The following RAB35 variants were observed in gnomAD, a reference collection of about 807,000 sequenced individuals.
RAB35 encodes ras-related protein Rab-35.
A neutral mutation model predicts 28.9 loss-of-function variants in RAB35; 4 were observed. The ratio of observed to expected loss-of-function variants is 0.14; its 90% CI spans 0.07 to 0.32. RAB35 has a LOEUF of 0.32. Among genes scored for constraint, RAB35 ranks in the 10% least tolerant of loss-of-function variants. The pLI is 1.00. For missense variants in RAB35, 128 were observed against 274.0 expected (o/e 0.47, Z 3.76); for synonymous variants, 99 against 105.1 (o/e 0.94, Z 0.35).
intron 1 of RAB35, among the ~76,000 whole-genome samples, chr12:120,115,630 C>T (rs913854226): frequency 2.6e-5 from 4 of 152,194 alleles, no homozygotes; most frequent in African/African-American, 4.8e-5. Context: ...TTTCGAAGGA[C>T]ACTTAATATT....
At chr12:120,101,549 T>C (rs1875658515) in intron 3 of RAB35, among the ~76,000 whole-genome samples, 1 of 152,256 alleles carries the variant, frequency 6.6e-6, no homozygotes, top group South Asian at 2.1e-4. Context: ...AAAGTCACGC[T>C]ACTGCATCCT....
intron 3 of RAB35, among the ~76,000 whole-genome samples, chr12:120,101,537 A>G (rs1211276222): frequency 6.6e-6 from 1 of 152,228 alleles, no homozygotes; most frequent in Non-Finnish European, 1.5e-5. Flanking sequence ...CTGCATCGGA[A>G]AAAAGTCACG....
chr12:120,108,029 C>T (rs1029909823), intron 2 of RAB35, among the ~76,000 whole-genome samples: 3 of 152,146 alleles, frequency 2.0e-5, no homozygotes, highest in African/African-American at 7.2e-5. Context: ...AGATGAACCA[C>T]AAAGGCCTGC....
rs950850744 is a variant in RAB35 at position 120,103,886 on chromosome 12, T to C, written c.167A>G (p.Lys56Arg). Residue 56 changes from lysine (K) to arginine (R), a missense_variant, in exon 3 of 6, where the codon AAG (lysine) becomes AGG (arginine). Transcript: ENST00000229340. This position sits in a 1 kb window ranked among gnomAD's most constrained non-coding sequence, Gnocchi z 6.1. ...KIRTVEINGE[K>R]VKLQIWDTAG... ...TGTGTCCCAGATCTGCAGCTTCACC[T>C]TCTCCCCGTTGATCTCCACGGTCCG... 2 of 1,614,080 alleles carry C rather than the reference T, an allele frequency of 1.2e-6. No homozygotes were observed. Among genetic ancestry groups the C allele is most frequent in the Non-Finnish European group, 8.5e-7 (1 of 1,180,006 alleles).
Position 120,112,401 on chromosome 12 carries a change from G to A in RAB35, c.53-3934C>T, listed in dbSNP as rs533835052. Among the ~76,000 whole-genome samples, 7 of 151,840 alleles carry A rather than the reference G, an allele frequency of 4.6e-5. No individual in the cohort carries two copies. In the South Asian group the frequency reaches 1.5e-3, roughly 32 times the overall value. On this transcript the variant is annotated intron_variant, in intron 1 of 5. Coordinates refer to ENST00000229340, the MANE Select transcript of RAB35 (RefSeq NM_006861.7). Reference sequence around the variant, plus strand: ...CTCTGCTTCAGTTCAACCTCTTGAAGAGCCCTGACCTTTCAGTGAACTGTT... The same window carrying A: ...CTCTGCTTCAGTTCAACCTCTTGAAAAGCCCTGACCTTTCAGTGAACTGTT...
In RAB35 at chr12:120,116,585, G is replaced by T; in HGVS notation, c.52+14C>A. ...GGCAGGGCCCGCGCCGCCTCCGGCC[G>T]CTGCGGCCCTCACCGCTGTCGCCGA... is the stretch of plus-strand genomic sequence containing the variant. On this transcript the variant is annotated intron_variant, in intron 1 of 5. Transcript: ENST00000229340. The T allele has an allele frequency of 8.5e-7, 1 of 1,179,514 alleles. No individual in the cohort carries two copies. Among genetic ancestry groups the T allele is most frequent in the Non-Finnish European group, 1.0e-6 (1 of 954,426 alleles). The allele number at this position is 1,179,514 out of a possible 1,614,324, so 73.1% of individuals were successfully genotyped here.
chr12:120,105,361 A>G (rs893635013), intron 2 of RAB35, among the ~76,000 whole-genome samples: 2 of 152,180 alleles, frequency 1.3e-5, no homozygotes, highest in African/African-American at 2.4e-5. Flanking sequence ...GGCTCCCCAG[A>G]AACAGCTGGT....
At position 120,096,767 on chromosome 12, in the gene RAB35, C is replaced by G. The variant is rs1002660892; in HGVS notation, c.*478G>C. On this transcript the variant is annotated 3_prime_UTR_variant, in exon 6 of 6. Transcript: ENST00000229340. ...AACCTGTCGGAGAGAATGAGCAACG[C>G]GGAGCCCACTCCACTGGCACGGGCT... 1.3e-5 allele frequency: 17 copies of G among 1,290,318 alleles called. No homozygotes were observed. The highest frequency in any genetic ancestry group is 1.6e-5 in the Non-Finnish European group (16 of 989,214). 79.9% of individuals were successfully genotyped at this position (1,290,318 alleles called of 1,614,324 possible).
At chr12:120,108,626 C>A (rs925916642) in intron 1 of RAB35, 159 bp from the exon 2 acceptor site, 31 of 724,646 alleles carry the variant, frequency 4.3e-5, no homozygotes, top group Non-Finnish European at 2.0e-5. Flanking sequence ...TGAGCGGCCA[C>A]ACACCAAGAA....
chr12:120,098,994 C>A, intron 4 of RAB35, 36 bp downstream of exon 4: 2 of 1,614,088 alleles, frequency 1.2e-6, no homozygotes, highest in Non-Finnish European at 1.7e-6. Context: ...GCCTCTCTCC[C>A]ACCCAACCCC....
At chr12:120,101,010 G>A (rs1033304801) in intron 3 of RAB35, among the ~76,000 whole-genome samples, 10 of 152,232 alleles carry the variant, frequency 6.6e-5, no homozygotes, top group Admixed American at 2.6e-4. Flanking sequence ...TGGCCCCGGC[G>A]CACAGCCCCC....
chr12:120,116,492 C>T, intron 1 of RAB35, 107 bp downstream of exon 1: 2 of 732,268 alleles, frequency 2.7e-6, no homozygotes, highest in Non-Finnish European at 3.3e-6. Context: ...CTGCCCCGCC[C>T]GCCCGCCCCG....
At chr12:120,108,318 C>G in intron 2 of RAB35, 99 bp downstream of exon 2, 2 of 1,259,762 alleles carry the variant, frequency 1.6e-6, no homozygotes, top group Non-Finnish European at 2.3e-6. Context: ...TGAGACAGTT[C>G]CCAACATCAG....
intron 3 of RAB35, among the ~76,000 whole-genome samples, chr12:120,099,899 G>A (rs1359045559): frequency 1.3e-5 from 2 of 152,190 alleles, no homozygotes; most frequent in Non-Finnish European, 1.5e-5. Context: ...CACAGCCTCC[G>A]CTTCCCCGAG....
intron 5 of RAB35, among the ~76,000 whole-genome samples, chr12:120,098,280 G>A (rs1327018602): frequency 6.6e-6 from 1 of 152,276 alleles, no homozygotes; most frequent in Non-Finnish European, 1.5e-5. Flanking sequence ...TTCATGGCAT[G>A]TGGGGCCCAG....
At position 120,098,799 on chromosome 12, in the gene RAB35, C is replaced by A; in HGVS notation, c.477+12G>T. The A allele has an allele frequency of 1.9e-6, 3 of 1,614,034 alleles. No homozygotes were observed. The highest frequency in any genetic ancestry group is 2.5e-6 in the Non-Finnish European group (3 of 1,179,950). On this transcript the variant is annotated intron_variant, in intron 5 of 5. Coordinates refer to ENST00000229340, the MANE Select transcript of RAB35 (RefSeq NM_006861.7). The stretch of plus-strand genomic sequence containing the variant: ...GGGTGTGTGGCAGAGCCACAGTGGC[C>A]CAGGGCCTCACCTCTTCCACGTTGA...
At chr12:120,105,995 C>T (rs1211001178) in intron 2 of RAB35, among the ~76,000 whole-genome samples, 1 of 151,406 alleles carries the variant, frequency 6.6e-6, no homozygotes, top group Non-Finnish European at 1.5e-5. Flanking sequence ...ACTGTAAACT[C>T]TGTGCAGGTG....
Position 120,097,059 on chromosome 12 carries a change from G to C in RAB35, c.*186C>G, listed in dbSNP as rs756154890. ...GGCACCAGTAGGGAAGGGCGGGCTG[G>C]TCCAACACCTTCTTGGCACTCGAGG... On this transcript the variant is annotated 3_prime_UTR_variant, in exon 6 of 6. Transcript: ENST00000229340. 6.5e-7 allele frequency: 1 copy of C among 1,534,778 alleles called. No homozygotes were observed. Among genetic ancestry groups the C allele is most frequent in the Non-Finnish European group, 8.7e-7 (1 of 1,145,616 alleles).
chr12:120,111,508 C>T (rs1339095348), intron 1 of RAB35, among the ~76,000 whole-genome samples: 1 of 152,112 alleles, frequency 6.6e-6, no homozygotes, highest in Admixed American at 6.5e-5. Context: ...GATGAACACC[C>T]CACCTCTAGT....
Sources: allele counts gnomAD v4.1 joint callset (sites outside exome capture counted in the v4.1 genomes callset), GRCh38; gene constraint gnomAD v4.1.1; non-coding constraint Gnocchi (gnomAD v3.1); transcripts MANE v1.5; gene names NCBI Gene and HGNC (gene_info 2026-07-23, HGNC 2026-07-21).